The following DROSHA variants were observed in gnomAD, a reference collection of about 807,000 sequenced individuals.
DROSHA encodes ribonuclease 3.
In DROSHA, 56 loss-of-function variants were observed where a neutral mutation model predicts 181.9. The observed-to-expected ratio is 0.31, with a 90% confidence interval of 0.25 to 0.38. The LOEUF is 0.38. Among genes scored for constraint, DROSHA ranks in the 10% least tolerant of loss-of-function variants. DROSHA has a pLI of 1.00. For missense variants in DROSHA, 1,218 were observed against 1,743.5 expected, an observed-to-expected ratio of 0.70 and a Z score of 5.37; for synonymous variants, 524 against 591.2, an observed-to-expected ratio of 0.89 and a Z score of 1.65.
chr5:31,464,785 T>G (rs1426198755), intron 19 of DROSHA, among the ~76,000 whole-genome samples: 1 of 152,058 alleles, frequency 6.6e-6, no homozygotes, highest in Non-Finnish European at 1.5e-5. Flanking sequence ...TAAAAACTCT[T>G]GCTACAATGG....
intron 16 of DROSHA, among the ~76,000 whole-genome samples, chr5:31,480,672 A>G (rs540560190): frequency 6.6e-6 from 1 of 152,326 alleles, no homozygotes; most frequent in Admixed American, 6.5e-5. Flanking sequence ...ACTAGTAACC[A>G]AAAACATGAA....
rs759150480 is a variant in DROSHA at position 31,443,553 on chromosome 5, T to C, written c.2882+4994A>G. Among the ~76,000 whole-genome samples the C allele has an allele frequency of 7.9e-5, 12 of 152,206 alleles. 1 individual carries two copies. The highest frequency in any genetic ancestry group is 2.1e-4 in the South Asian group (1 of 4,832). ...TGCATGAATGAATTAAATATAACTATTCAGCTCAGATTTAGGTGGTTAAAC... is the reference window on the plus strand; with the variant it reads ...TGCATGAATGAATTAAATATAACTACTCAGCTCAGATTTAGGTGGTTAAAC... On this transcript the variant is annotated intron_variant, in intron 23 of 35. Transcript: ENST00000344624.
intron 23 of DROSHA, among the ~76,000 whole-genome samples, chr5:31,446,307 T>C (rs561869528): frequency 4.5e-4 from 68 of 150,596 alleles, no homozygotes; most frequent in South Asian, 8.4e-4. Context: ...ATTAGCCGGG[T>C]GTGGTGGCGG....
At chr5:31,530,128 AT>A (rs550707638) in intron 3 of DROSHA, among the ~76,000 whole-genome samples, 7 of 149,990 alleles carry the variant, frequency 4.7e-5, no homozygotes, top group South Asian at 2.1e-4. Flanking sequence ...ATAATATCTG[AT>A]TTTTTTTTTA....
chr5:31,519,684 G>A (rs376882606), intron 6 of DROSHA, among the ~76,000 whole-genome samples: 8 of 152,116 alleles, frequency 5.3e-5, no homozygotes, highest in Non-Finnish European at 2.9e-5. Context: ...CAGGTTCATC[G>A]TGAGCTACCA....
At chr5:31,505,758 TCC>T (rs942838370) in intron 10 of DROSHA, 4 of 152,180 alleles carry the variant, frequency 2.6e-5, no homozygotes, top group African/African-American at 9.7e-5. Context: ...TCTTCTCCAC[TCC>T]CACTGCTTCT....
At position 31,508,825 on chromosome 5, in the gene DROSHA, G is replaced by GT. The variant is rs778379990; in HGVS notation, c.1433-51_1433-50insA. 106 of 1,262,332 alleles carry GT rather than the reference G, an allele frequency of 8.4e-5. No homozygotes were observed. In the African/African-American group the frequency reaches 1.6e-3, roughly 19 times the overall value. 78.2% of individuals were successfully genotyped at this position (1,262,332 alleles called of 1,614,324 possible). A position where few individuals can be genotyped will look rare whatever the true frequency, so the allele number is the denominator to read the frequency against. On this transcript the variant is annotated intron_variant, in intron 9 of 35. Transcript: ENST00000344624. ...CAGAAATTGATGGAATTAACAAACTGGTTTTTTTTTTTCCCTGAGTTGGAG... is the reference window on the plus strand; with the variant it reads ...CAGAAATTGATGGAATTAACAAACTGTGTTTTTTTTTTTCCCTGAGTTGGAG...
In DROSHA at chr5:31,526,766, G is replaced by A; in HGVS notation, c.167C>T (p.Pro56Leu). The change falls in exon 5 of 36, where the codon CCA becomes CTA. Residue 56 changes from proline (P) to leucine (L), a missense_variant. Physicochemically the swap from Pro to Leu is moderately conservative, Grantham distance 98. Coordinates refer to ENST00000344624, the MANE Select transcript of DROSHA (RefSeq NM_001382508.1). ...TGAGAAAGTGGTGGAAGGGGCACTT[G>A]GAGGTTCATATTGATATTGCACAGG... is the stretch of plus-strand genomic sequence containing the variant. Reference protein sequence around the residue: ...QPPVQYQYEPPSAPSTTFSNS... With the variant: ...QPPVQYQYEPLSAPSTTFSNS... 2 of 1,597,050 alleles carry A rather than the reference G, an allele frequency of 1.3e-6. No homozygotes were observed. The highest frequency in any genetic ancestry group is 1.7e-6 in the Non-Finnish European group (2 of 1,173,488).
In DROSHA at chr5:31,526,170, T is replaced by A; in HGVS notation, c.763A>T (p.Ser255Cys). The change falls in exon 5 of 36, where the codon AGT becomes TGT. Residue 255 changes from serine (S) to cysteine (C), a missense_variant. This residue lies in a region of DROSHA where 536 missense variants were observed against 535.4 expected (regional missense o/e 1.00). Coordinates refer to ENST00000344624, the MANE Select transcript of DROSHA (RefSeq NM_001382508.1). ...RSLDRRERGR[S>C]PDRRRQDSRY... ...CTGTCTTGTCTTCTCCTGTCGGGAC[T>A]GCGGCCTCGCTCCCGCCGATCCAGG... 1 of 1,613,850 alleles carries A rather than the reference T, an allele frequency of 6.2e-7. No individual in the cohort carries two copies. The highest frequency in any genetic ancestry group is 1.1e-5 in the South Asian group (1 of 91,064).
chr5:31,529,730 CAAACAAAAAAAAAA>C (rs1236647301), intron 3 of DROSHA, among the ~76,000 whole-genome samples: 144 of 85,776 alleles, frequency 1.7e-3, no homozygotes, highest in South Asian at 0.012. Flanking sequence ...CTCAAAAAAA[CAAACAAAAAAAAAA>C]AAACAAAAAA....
chr5:31,444,123 G>A (rs997141895), intron 23 of DROSHA, among the ~76,000 whole-genome samples: 6 of 152,170 alleles, frequency 3.9e-5, no homozygotes, highest in Non-Finnish European at 5.9e-5. Flanking sequence ...ATCAGCACAC[G>A]GGGAAGGGAC....
intron 11 of DROSHA, 150 bp from the exon 12 acceptor site, chr5:31,495,522 C>CAAAA (rs1752883164): frequency 4.2e-6 from 3 of 720,926 alleles, no homozygotes; most frequent in Admixed American, 6.0e-5. Flanking sequence ...ATTGGCTTTG[C>CAAAA]CATACCTAGA....
At position 31,522,766 on chromosome 5, in the gene DROSHA, G is replaced by GCCCA. The variant is rs1740038130; in HGVS notation, c.855-1555_855-1552dup. ...TGGTAGCACTCCCTAGCTAGGTGAA[G>GCCCA]CCCAGGGCACACATCCTTACCACTC... is the stretch of plus-strand genomic sequence containing the variant. On this transcript the variant is annotated intron_variant, in intron 5 of 35. Transcript: ENST00000344624. Among the ~76,000 whole-genome samples, 7 of 152,296 alleles carry GCCCA rather than the reference G, an allele frequency of 4.6e-5. 1 individual carries two copies. In the South Asian group the frequency reaches 1.4e-3, roughly 32 times the overall value.
At chr5:31,404,538 T>G (rs1415942096) in intron 35 of DROSHA, among the ~76,000 whole-genome samples, 1 of 152,200 alleles carries the variant, frequency 6.6e-6, no homozygotes, top group East Asian at 1.9e-4. Flanking sequence ...GCTTCCCGCA[T>G]TTTGCTGTCT....
chr5:31,405,378 A>AG (rs1740515865), intron 35 of DROSHA, among the ~76,000 whole-genome samples: 1 of 150,860 alleles, frequency 6.6e-6, no homozygotes, highest in South Asian at 2.1e-4. Flanking sequence ...TCCATCTCAA[A>AG]AAAAAAAAAA....
intron 21 of DROSHA, among the ~76,000 whole-genome samples, chr5:31,450,263 C>T (rs914132699): frequency 6.6e-6 from 1 of 152,154 alleles, no homozygotes; most frequent in Non-Finnish European, 1.5e-5. Context: ...CTAGGAAAAA[C>T]AGTATGGAGA....
chr5:31,464,486 T>A, intron 19 of DROSHA, 143 bp from the exon 20 acceptor site: 1 of 761,678 alleles, frequency 1.3e-6, no homozygotes, highest in Non-Finnish European at 2.1e-6. Context: ...AAAATTACAA[T>A]ATTTTCTTTA....
intron 20 of DROSHA, among the ~76,000 whole-genome samples, chr5:31,461,436 A>G (rs1748392053): frequency 6.6e-6 from 1 of 152,198 alleles, no homozygotes. Context: ...GATTTTCTGT[A>G]AGATGTATCT....
At position 31,526,182 on chromosome 5, in the gene DROSHA, C is replaced by T. The variant is rs1334214909; in HGVS notation, c.751G>A (p.Glu251Lys). The T allele has an allele frequency of 6.2e-7, 1 of 1,613,832 alleles. No individual in the cohort carries two copies. The highest frequency in any genetic ancestry group is 8.5e-7 in the Non-Finnish European group (1 of 1,179,860). Reference protein sequence around the residue: ...GERHRSLDRRERGRSPDRRRQ... With the variant: ...GERHRSLDRRKRGRSPDRRRQ... ...CTCCTGTCGGGACTGCGGCCTCGCT[C>T]CCGCCGATCCAGGGACCGATGCCTC... The change falls in exon 5 of 36, where the codon GAG becomes AAG. Residue 251 changes from glutamate (E) to lysine (K), a missense_variant. This residue lies in a region of DROSHA where 536 missense variants were observed against 535.4 expected (regional missense o/e 1.00). Transcript: ENST00000344624.
Sources: gnomAD v4.1 joint callset for allele counts (sites outside exome capture counted in the v4.1 genomes callset) on GRCh38, gnomAD v4.1.1 for gene constraint, gnomAD v4.1.1 regional missense constraint, MANE v1.5 for transcripts, NCBI Gene and HGNC (gene_info 2026-07-23, HGNC 2026-07-21) for gene names.